The following PLCB2 variants were observed in gnomAD, a reference collection of about 807,000 sequenced individuals.
The protein encoded by PLCB2 is phospholipase C beta 2, also known as 1-phosphatidylinositol 4,5-bisphosphate phosphodiesterase beta-2.
A neutral mutation model predicts 141.7 loss-of-function variants in PLCB2; 115 were observed. The observed-to-expected ratio is 0.81, with a 90% CI of 0.70 to 0.95. The LOEUF (loss-of-function observed/expected upper bound fraction) is 0.95, where lower values mean the gene tolerates loss of function less well. PLCB2 is among the 40% of genes least tolerant of loss of function. PLCB2 has a pLI of 0.00. For missense variants in PLCB2, 1,403 were observed against 1,541.1 expected (o/e 0.91, Z 1.50); for synonymous variants, 603 against 595.6 (o/e 1.01, Z -0.18).
chr15:40,305,251 A>G (rs925273624), intron 1 of PLCB2, among the ~76,000 whole-genome samples: 2 of 149,926 alleles, frequency 1.3e-5, no homozygotes, highest in Middle Eastern at 3.5e-3. Flanking sequence ...CATAGTATAC[A>G]TGTGCCATGG....
At chr15:40,290,461 G>T in intron 29 of PLCB2, 116 bp downstream of exon 29, 1 of 795,420 alleles carries the variant, frequency 1.3e-6, no homozygotes, top group Non-Finnish European at 2.2e-6. Context: ...TCCGCTTTTT[G>T]GAGAGCCAGG....
In PLCB2 at chr15:40,298,708, C is replaced by T; in HGVS notation, c.851G>A (p.Gly284Asp). ...YEPSGINAQR[G>D]QLSPEGMVWF... The stretch of plus-strand genomic sequence containing the variant: ...GACCATGCCTTCAGGTGACAGCTGG[C>T]CTGGGGGACAGGAGATAGCTGTCAG... The change falls in exon 10 of 32, where the codon GGC (glycine) becomes GAC (aspartate). Residue 284 changes from glycine (G) to aspartate (D), a missense_variant and splice_region_variant. By Grantham distance (94) the Gly-to-Asp change is moderately conservative. This residue lies in a region of PLCB2 where 975 missense variants were observed against 1,141.1 expected (regional missense o/e 0.85). Transcript: ENST00000260402. 6.2e-7 allele frequency: 1 copy of T among 1,614,068 alleles called. No homozygotes were observed.
chr15:40,298,812 A>T lies in PLCB2; in HGVS notation c.836T>A (p.Ile279Asn). 1 of 1,613,354 alleles carries T rather than the reference A, an allele frequency of 6.2e-7. No individual in the cohort carries two copies. The highest frequency in any genetic ancestry group is 8.5e-7 in the Non-Finnish European group (1 of 1,179,586). The stretch of plus-strand genomic sequence containing the variant: ...TTAGTCCTCACCCCTCTGTGCATTG[A>T]TGCCACTGGGCTCATACTTGTCGAT... ...GLIDKYEPSG[I>N]NAQRGQLSPE... The change falls in exon 9 of 32, where the codon ATC becomes AAC. Residue 279 changes from isoleucine (I) to asparagine (N), a missense_variant. Transcript: ENST00000260402.
At chr15:40,302,809 G>T (rs1476556478) in intron 3 of PLCB2, among the ~76,000 whole-genome samples, 200 bp from the exon 4 acceptor site, 2 of 152,214 alleles carry the variant, frequency 1.3e-5, no homozygotes, top group East Asian at 3.9e-4. Context: ...CTGAGGAAAA[G>T]GTTAGCCAAG....
At position 40,291,139 on chromosome 15, in the gene PLCB2, C is replaced by A. The variant is rs778515223; in HGVS notation, c.2915G>T (p.Gly972Val). ...CACGCGCCCGTCCACGCCCTCAGGG[C>A]CCTCGCCCGGCGCGGCTCCGGCGCT... ...EESAGAAPGE[G>V]PEGVDGRVRE... Residue 972 changes from glycine (G) to valine (V), a missense_variant, in exon 27 of 32, where the codon GGC (glycine) becomes GTC (valine). Physicochemically the swap from Gly to Val is moderately radical, Grantham distance 109. This residue lies in a region of PLCB2 where 290 missense variants were observed against 245.9 expected (regional missense o/e 1.18). Transcript: ENST00000260402. 10 of 1,572,540 alleles carry A rather than the reference C, an allele frequency of 6.4e-6. No homozygotes were observed. Among genetic ancestry groups the A allele is most frequent in the African/African-American group, 5.4e-5 (4 of 74,298 alleles).
chr15:40,295,799 A>G (rs888683829), intron 16 of PLCB2, among the ~76,000 whole-genome samples: 7 of 152,136 alleles, frequency 4.6e-5, no homozygotes, highest in African/African-American at 1.7e-4. Flanking sequence ...GCACAGGAGG[A>G]GACAGAAAGA....
chr15:40,293,705 A>G lies in PLCB2; in HGVS notation c.2081T>C (p.Leu694Pro), dbSNP rs1253785893. ...LSITVISGQF[L>P]SERSVRTYVE... ...ATAGGTGCGCACGCTGCGTTCTGAC[A>G]GGAACTGCCCAGAGATCACCTGGGG... The change falls in exon 20 of 32, where the codon CTG (leucine) becomes CCG (proline). Residue 694 changes from leucine to proline, a missense_variant. Physicochemically the swap from Leu to Pro is moderately conservative, Grantham distance 98. Transcript: ENST00000260402. The G allele has an allele frequency of 1.2e-6, 2 of 1,612,976 alleles. No homozygotes were observed. Among genetic ancestry groups the G allele is most frequent in the South Asian group, 1.1e-5 (1 of 91,056 alleles).
At chr15:40,287,230 C>T (rs1023141165), downstream of PLCB2, among the ~76,000 whole-genome samples, 3 of 152,212 alleles carry the variant, frequency 2.0e-5, no homozygotes, top group Non-Finnish European at 2.9e-5. Context: ...CCCCTCACCT[C>T]ACCCTACAGC....
At chr15:40,301,472 G>C (rs2040501574) in intron 7 of PLCB2, 2 of 648,226 alleles carry the variant, frequency 3.1e-6, no homozygotes. Flanking sequence ...AGGGAAAAAT[G>C]CTTTTCTGTA....
chr15:40,292,163 G>A lies in PLCB2; in HGVS notation c.2432-5C>T. On this transcript the variant is annotated splice_region_variant and splice_polypyrimidine_tract_variant and intron_variant, in intron 22 of 31. Transcript: ENST00000260402. The stretch of plus-strand genomic sequence containing the variant: ...TGGCGAGGGCCACAGTGAGATCTGG[G>A]TGGGTGCACAGGACATTACAACATA... The A allele has an allele frequency of 6.2e-7, 1 of 1,612,972 alleles. No homozygotes were observed. Among genetic ancestry groups the A allele is most frequent in the East Asian group, 2.2e-5 (1 of 44,874 alleles).
rs1211289096 is a variant in PLCB2, at chr15:40,287,918, G to C, written c.*797C>G. The C allele has an allele frequency of 2.0e-6, 2 of 983,890 alleles. No individual in the cohort carries two copies. Among genetic ancestry groups the C allele is most frequent in the South Asian group, 4.7e-5 (1 of 21,248 alleles). The allele number at this position is 983,890 out of a possible 1,614,324, so 60.9% of individuals were successfully genotyped here. A position where few individuals can be genotyped will look rare whatever the true frequency, so the allele number is the denominator to read the frequency against. On this transcript the variant is annotated 3_prime_UTR_variant, in exon 32 of 32. Coordinates refer to ENST00000260402, the MANE Select transcript of PLCB2 (RefSeq NM_004573.3). ...AGGCTTAAGCAGGAAACACTGGGACGAGGTTCTTTAATAGGAGTAGGAAAG... is the reference window on the plus strand; with the variant it reads ...AGGCTTAAGCAGGAAACACTGGGACCAGGTTCTTTAATAGGAGTAGGAAAG...
chr15:40,307,098 C>A (rs2040834961), intron 1 of PLCB2, among the ~76,000 whole-genome samples: 1 of 152,172 alleles, frequency 6.6e-6, no homozygotes, highest in Admixed American at 6.5e-5. Context: ...GGTCCAGGGG[C>A]CTTTTGTGGC....
At chr15:40,289,449 G>C in intron 30 of PLCB2, 91 bp from the exon 31 acceptor site, 1 of 941,834 alleles carries the variant, frequency 1.1e-6, no homozygotes, top group Non-Finnish European at 1.7e-6. Flanking sequence ...CTAGTTGTAA[G>C]ACTTTGGGCA....
downstream of PLCB2, among the ~76,000 whole-genome samples, chr15:40,287,347 C>T (rs908710517): frequency 6.6e-6 from 1 of 152,256 alleles, no homozygotes; most frequent in Non-Finnish European, 1.5e-5. Flanking sequence ...TCACAGCTAA[C>T]GGCATGTGCT....
chr15:40,290,405 G>C (rs958224684), intron 29 of PLCB2, among the ~76,000 whole-genome samples, 172 bp downstream of exon 29: 3 of 152,256 alleles, frequency 2.0e-5, no homozygotes, highest in Non-Finnish European at 4.4e-5. Context: ...GTTGGCCTCC[G>C]TGTTTTGTCT....
At chr15:40,300,238 C>T (rs1476714020) in intron 7 of PLCB2, among the ~76,000 whole-genome samples, 2 of 152,226 alleles carry the variant, frequency 1.3e-5, no homozygotes, top group Non-Finnish European at 2.9e-5. Flanking sequence ...TTGCTTGAAC[C>T]TGGGAGGCAG....
chr15:40,303,382 G>T (rs763130530), intron 2 of PLCB2, 26 bp from the exon 3 acceptor site: 6 of 1,567,148 alleles, frequency 3.8e-6, no homozygotes, highest in South Asian at 1.1e-5. Context: ...GGATCCCGGT[G>T]GGAGCAAAGA....
At chr15:40,302,746 C>G (rs769113869) in intron 3 of PLCB2, 137 bp from the exon 4 acceptor site, 3 of 905,630 alleles carry the variant, frequency 3.3e-6, no homozygotes, top group Non-Finnish European at 3.3e-6. Flanking sequence ...GAACCACAGG[C>G]CTTAGCATCT....
intron 27 of PLCB2, 67 bp downstream of exon 27, chr15:40,290,951 G>A: frequency 3.9e-6 from 5 of 1,271,560 alleles, no homozygotes; most frequent in Non-Finnish European, 5.3e-6. Flanking sequence ...TGAGAGGGGC[G>A]AATGGGGTCC....
Sources: allele counts gnomAD v4.1 joint callset (sites outside exome capture counted in the v4.1 genomes callset), GRCh38; gene constraint gnomAD v4.1.1; regional missense constraint gnomAD v4.1.1; transcripts MANE v1.5; gene names NCBI Gene and HGNC (gene_info 2026-07-23, HGNC 2026-07-21).